Variants in LRRC7 observed in about 807,000 individuals in gnomAD.
The protein encoded by LRRC7 is leucine rich repeat containing 7, also known as leucine-rich repeat-containing protein 7.
Under a neutral mutation model 175.7 loss-of-function variants are expected in LRRC7, and 23 were observed. The ratio of observed to expected loss-of-function variants is 0.13; its 90% CI spans 0.09 to 0.19. The LOEUF (loss-of-function observed/expected upper bound fraction) is 0.19. Among genes scored for constraint, LRRC7 ranks in the 10% least tolerant of loss-of-function variants. The pLI, the probability that LRRC7 is intolerant of heterozygous loss-of-function variation, is 1.00. For synonymous variants in LRRC7, 685 were observed against 680.9 expected (o/e 1.01, Z -0.09); for missense variants, 1,354 against 1,904.7 (o/e 0.71, Z 5.38).
At chr1:69,772,586 C>T (rs1247939386) in intron 3 of LRRC7, among the ~76,000 whole-genome samples, 3 of 152,200 alleles carry the variant, frequency 2.0e-5, no homozygotes, top group South Asian at 4.1e-4. Context: ...AGTGGAAATA[C>T]ATTGTAGCAA....
rs150040578 is a variant in LRRC7, at chr1:69,704,268, A to G, written c.100+25790A>G. Among the ~76,000 whole-genome samples, 301 of 152,104 alleles carry G rather than the reference A, an allele frequency of 2.0e-3. 1 individual carries two copies. Among genetic ancestry groups the G allele is most frequent in the African/African-American group, 6.8e-3 (281 of 41,552 alleles). On this transcript the variant is annotated intron_variant, in intron 2 of 26. Coordinates refer to ENST00000651989, the MANE Select transcript of LRRC7 (RefSeq NM_001370785.2). ...TTTTTTGAAGGAGATAAAGGGAAAT[A>G]CAATTATAACAAAATAAAATGTCTG...
At chr1:69,987,098 G>A (rs578089386) in intron 10 of LRRC7, among the ~76,000 whole-genome samples, 5 of 152,122 alleles carry the variant, frequency 3.3e-5, no homozygotes, top group Admixed American at 2.0e-4. Flanking sequence ...AAAAAGTACC[G>A]GGCATGGTGG....
At chr1:69,686,833 G>A (rs1661210656) in intron 2 of LRRC7, among the ~76,000 whole-genome samples, 1 of 151,584 alleles carries the variant, frequency 6.6e-6, no homozygotes, top group Non-Finnish European at 1.5e-5. Context: ...AAAAAAGAAA[G>A]ACCAACTATA....
At chr1:69,633,761 A>C (rs574783054) in intron 1 of LRRC7, among the ~76,000 whole-genome samples, 76 of 152,252 alleles carry the variant, frequency 5.0e-4, no homozygotes, top group African/African-American at 1.8e-3. Flanking sequence ...ATTTTATAAA[A>C]ACTCTTTTTA....
rs535980676 is a variant in LRRC7 at position 69,888,535 on chromosome 1, G to C, written c.648-42972G>C. ...ACTGTCTGGCACTCCCTAGTGAGAT[G>C]AACCCGGTACCTCAGATGGAAATGC... On this transcript the variant is annotated intron_variant, in intron 7 of 26. Coordinates refer to ENST00000651989, the MANE Select transcript of LRRC7 (RefSeq NM_001370785.2). Among the ~76,000 whole-genome samples, 12 of 152,258 alleles carry C rather than the reference G, an allele frequency of 7.9e-5. No individual in the cohort carries two copies. The South Asian group carries it at 2.1e-3, about 26-fold the overall frequency.
chr1:69,626,605 T>C lies in LRRC7; in HGVS notation c.3-51776T>C, dbSNP rs573940848. On this transcript the variant is annotated intron_variant, in intron 1 of 26. Coordinates refer to ENST00000651989, the MANE Select transcript of LRRC7 (RefSeq NM_001370785.2). ...TATACTATAAGTTCTAGGATACATG[T>C]GCACAATGTGCAGGTTTGTTACATA... is the stretch of plus-strand genomic sequence containing the variant. Among the ~76,000 whole-genome samples, 249 of 152,108 alleles carry C rather than the reference T, an allele frequency of 1.6e-3. 2 individuals carry two copies. The highest frequency in any genetic ancestry group is 5.7e-3 in the African/African-American group (238 of 41,506).
chr1:69,689,954 A>G (rs1661628339), intron 2 of LRRC7, among the ~76,000 whole-genome samples: 1 of 152,210 alleles, frequency 6.6e-6, no homozygotes. Flanking sequence ...CACAGCCTGA[A>G]TATTCTTAGA....
chr1:69,919,341 A>C (rs1475455490), intron 7 of LRRC7: 2 of 597,020 alleles, frequency 3.3e-6, no homozygotes, highest in African/African-American at 3.7e-5. Flanking sequence ...CAAAAACAAG[A>C]GCGTGAGGAG....
intron 11 of LRRC7, among the ~76,000 whole-genome samples, chr1:69,998,766 A>G (rs1293985429): frequency 6.6e-6 from 1 of 152,230 alleles, no homozygotes; most frequent in Non-Finnish European, 1.5e-5. Flanking sequence ...CTTTTTCAGT[A>G]GGAAGTAGAA....
At chr1:70,103,144 A>G (rs1450102236) in intron 25 of LRRC7, among the ~76,000 whole-genome samples, 2 of 151,710 alleles carry the variant, frequency 1.3e-5, no homozygotes, top group Non-Finnish European at 2.9e-5. Flanking sequence ...TGGGAGGATC[A>G]CCTGAACCCA....
chr1:69,843,985 T>G (rs912093314), intron 7 of LRRC7, among the ~76,000 whole-genome samples: 2 of 152,110 alleles, frequency 1.3e-5, no homozygotes, highest in Non-Finnish European at 2.9e-5. Context: ...CTGATTTGGT[T>G]GGTTGTATTT....
chr1:69,963,645 A>T (rs1467043319), intron 8 of LRRC7, among the ~76,000 whole-genome samples: 1 of 152,196 alleles, frequency 6.6e-6, no homozygotes, highest in East Asian at 1.9e-4. Flanking sequence ...TGGAGAAAGA[A>T]TATAAGACAA....
chr1:69,714,614 C>T (rs941011922), intron 2 of LRRC7, among the ~76,000 whole-genome samples: 3 of 152,018 alleles, frequency 2.0e-5, no homozygotes, highest in East Asian at 1.9e-4. Context: ...GCAGTCCTAG[C>T]GGGAGGAACA....
intron 3 of LRRC7, among the ~76,000 whole-genome samples, chr1:69,780,714 A>G (rs541174103): frequency 2.0e-5 from 3 of 152,332 alleles, no homozygotes; most frequent in East Asian, 1.9e-4. Flanking sequence ...TGTGCACAGT[A>G]TAATTATTTC....
Position 70,038,940 on chromosome 1 carries a change from C to T in LRRC7, c.3116C>T (p.Pro1039Leu). The T allele has an allele frequency of 6.2e-7, 1 of 1,613,912 alleles. No individual in the cohort carries two copies. The highest frequency in any genetic ancestry group is 8.5e-7 in the Non-Finnish European group (1 of 1,179,984). ...AGTATGTCTCGAAGCCAGTCAGTCC[C>T]AATGCTGGATGATGAGATGCTCACC... ...MSSMSRSQSV[P>L]MLDDEMLTYG... Residue 1039 changes from proline (P) to leucine (L), a missense_variant, in exon 21 of 27, where the codon CCA (proline) becomes CTA (leucine). By Grantham distance (98) the Pro-to-Leu change is moderately conservative. Transcript: ENST00000651989.
chr1:69,583,014 C>T (rs1368525046), intron 1 of LRRC7, among the ~76,000 whole-genome samples: 2 of 152,002 alleles, frequency 1.3e-5, no homozygotes, highest in Non-Finnish European at 2.9e-5. Context: ...TATCTAATAT[C>T]TAAACAAATC....
intron 26 of LRRC7, among the ~76,000 whole-genome samples, chr1:70,108,370 A>G (rs1276253148): frequency 6.6e-6 from 1 of 152,176 alleles, no homozygotes; most frequent in Non-Finnish European, 1.5e-5. Context: ...AAAGCTCTGC[A>G]TATCAGAAAA....
chr1:69,923,622 G>T lies in LRRC7; in HGVS notation c.648-7885G>T, dbSNP rs569057873. On this transcript the variant is annotated intron_variant, in intron 7 of 26. Transcript: ENST00000651989. The stretch of plus-strand genomic sequence containing the variant: ...CTTCTTTTCAGAAGTGTCTGTTCAT[G>T]TCCTTTGCCCACTTTTTGATGGTGT... 4.6e-5 allele frequency among the ~76,000 whole-genome samples: 7 copies of T among 152,288 alleles called. No homozygotes were observed. The South Asian group carries it at 1.5e-3, about 32-fold the overall frequency.
intron 25 of LRRC7, among the ~76,000 whole-genome samples, chr1:70,103,461 G>C (rs936784231): frequency 1.3e-5 from 2 of 152,122 alleles, no homozygotes; most frequent in African/African-American, 4.8e-5. Context: ...TTCACCATTG[G>C]TAGCTTTGAA....
Sources: allele counts gnomAD v4.1 joint callset (sites outside exome capture counted in the v4.1 genomes callset), GRCh38; gene constraint gnomAD v4.1.1; transcripts MANE v1.5; gene names NCBI Gene and HGNC (gene_info 2026-07-23, HGNC 2026-07-21).